DYNC2H1: variants seen among roughly 807,000 people sequenced by gnomAD.
DYNC2H1 encodes the protein cytoplasmic dynein 2 heavy chain 1.
Under a neutral mutation model 570.0 loss-of-function variants are expected in DYNC2H1, and 410 were observed. The observed-to-expected ratio is 0.72, with a 90% CI of 0.66 to 0.78. The LOEUF (loss-of-function observed/expected upper bound fraction) is 0.78, where lower values mean the gene tolerates loss of function less well. Among genes scored for constraint, DYNC2H1 ranks in the 30% least tolerant of loss-of-function variants. The pLI, the probability that DYNC2H1 is intolerant of heterozygous loss-of-function variation, is 0.00. For missense variants in DYNC2H1, 4,865 were observed against 5,046.4 expected, an observed-to-expected ratio of 0.96 and a Z score of 1.09; for synonymous variants, 1,688 against 1,677.6, an observed-to-expected ratio of 1.01 and a Z score of -0.15.
chr11:103,148,960 G>T (rs547396709), intron 20 of DYNC2H1, among the ~76,000 whole-genome samples: 4 of 152,274 alleles, frequency 2.6e-5, no homozygotes, highest in Admixed American at 2.6e-4. Context: ...AGGAGGCTGA[G>T]GCAGGAGAAT....
intron 73 of DYNC2H1, among the ~76,000 whole-genome samples, chr11:103,284,106 C>T (rs1866253929): frequency 6.6e-6 from 1 of 152,124 alleles, no homozygotes; most frequent in Admixed American, 6.5e-5. Flanking sequence ...TTCCTCATTC[C>T]CCACCATTCC....
intron 70 of DYNC2H1, among the ~76,000 whole-genome samples, chr11:103,273,489 C>T (rs1210191583): frequency 1.3e-5 from 2 of 152,236 alleles, no homozygotes; most frequent in Non-Finnish European, 1.5e-5. Context: ...GCACCCAGCC[C>T]CTTAATTTTT....
intron 85 of DYNC2H1, among the ~76,000 whole-genome samples, chr11:103,453,482 C>T (rs1421033856): frequency 1.3e-5 from 2 of 151,668 alleles, no homozygotes; most frequent in Non-Finnish European, 3.0e-5. Context: ...ATTAGTCTAC[C>T]TTTAAGCTTA....
At chr11:103,248,857 G>A (rs1864722531) in intron 65 of DYNC2H1, among the ~76,000 whole-genome samples, 1 of 151,848 alleles carries the variant, frequency 6.6e-6, no homozygotes, top group African/African-American at 2.4e-5. Flanking sequence ...CACCCCAAAT[G>A]TTCATTCCGT....
In DYNC2H1 at chr11:103,172,870, G is replaced by A. The variant is rs72989748; in HGVS notation, c.5335-212G>A. On this transcript the variant is annotated intron_variant, in intron 34 of 88. Coordinates refer to ENST00000375735, the MANE Select transcript of DYNC2H1 (RefSeq NM_001377.3). ...CTCTGCAAAGCAGTGTAGGTCTTAA[G>A]GAATTTATCATATATTGAGTAAGGA... Among the ~76,000 whole-genome samples, 7,557 of 151,252 alleles carry A rather than the reference G, an allele frequency of 0.05. 253 individuals carry two copies. The highest frequency in any genetic ancestry group is 0.072 in the Non-Finnish European group (4,844 of 67,644).
chr11:103,470,987 C>T (rs1189722725), intron 88 of DYNC2H1, among the ~76,000 whole-genome samples: 2 of 152,072 alleles, frequency 1.3e-5, no homozygotes, highest in African/African-American at 4.8e-5. Context: ...TGAGGAATCG[C>T]CACACTGACT....
chr11:103,373,958 ATTAT>A lies in DYNC2H1; in HGVS notation c.12156+15602_12156+15605del, dbSNP rs148106777. ...ATAATGAGCTCCATAGTCTTTTAAA[ATTAT>A]TTGTGACTAAAAATCTGTTCTATTT... On this transcript the variant is annotated intron_variant, in intron 83 of 88. Transcript: ENST00000375735. Among the ~76,000 whole-genome samples the A allele has an allele frequency of 9.1e-3, 1,383 of 152,308 alleles. 19 individuals carry two copies. The highest frequency in any genetic ancestry group is 0.031 in the African/African-American group (1,308 of 41,556).
chr11:103,187,289 A>T, intron 42 of DYNC2H1, 51 bp from the exon 43 acceptor site: 1 of 1,605,650 alleles, frequency 6.2e-7, no homozygotes, highest in Non-Finnish European at 8.5e-7. Context: ...TATAAAATGT[A>T]TTTTGTTGGT....
chr11:103,378,382 T>G (rs1048156640), intron 83 of DYNC2H1, among the ~76,000 whole-genome samples: 1 of 152,212 alleles, frequency 6.6e-6, no homozygotes, highest in Non-Finnish European at 1.5e-5. Flanking sequence ...TACTTTGCTC[T>G]GATTAAGAAA....
At chr11:103,371,620 G>A (rs1941149871) in intron 83 of DYNC2H1, among the ~76,000 whole-genome samples, 2 of 152,120 alleles carry the variant, frequency 1.3e-5, no homozygotes, top group Admixed American at 1.3e-4. Flanking sequence ...CTTTTCAGTG[G>A]AAGCCTTACA....
At chr11:103,183,056 T>C (rs1421617409) in intron 40 of DYNC2H1, among the ~76,000 whole-genome samples, 1 of 151,868 alleles carries the variant, frequency 6.6e-6, no homozygotes, top group Non-Finnish European at 1.5e-5. Context: ...CTACCAACTA[T>C]GTTATAATTG....
intron 85 of DYNC2H1, among the ~76,000 whole-genome samples, chr11:103,450,691 A>G (rs539883027): frequency 2.0e-5 from 3 of 152,366 alleles, no homozygotes; most frequent in Admixed American, 6.5e-5. Context: ...GAGAAGAATG[A>G]TCGCTTAAAT....
At chr11:103,173,032 T>C (rs771420268) in intron 34 of DYNC2H1, 50 bp from the exon 35 acceptor site, 1 of 1,001,794 alleles carries the variant, frequency 1.0e-6, no homozygotes, top group South Asian at 3.5e-5. Context: ...TGTTAAATAT[T>C]TTAACTTAAT....
intron 82 of DYNC2H1, among the ~76,000 whole-genome samples, chr11:103,344,159 C>T (rs1939620870): frequency 6.6e-6 from 1 of 152,118 alleles, no homozygotes; most frequent in African/African-American, 2.4e-5. Flanking sequence ...TCATTTGAAT[C>T]AACATTTACA....
At position 103,295,966 on chromosome 11, in the gene DYNC2H1, ACAG is replaced by A. The variant is rs147978554; in HGVS notation, c.11096-7126_11096-7124del. The stretch of plus-strand genomic sequence containing the variant: ...CTCTCTGGTCCTCCTGATTCCTGCA[ACAG>A]TATTGTGTTCCGCTCAGTGACAGGA... On this transcript the variant is annotated intron_variant, in intron 75 of 88. Coordinates refer to ENST00000375735, the MANE Select transcript of DYNC2H1 (RefSeq NM_001377.3). Among the ~76,000 whole-genome samples the A allele has an allele frequency of 2.7e-3, 416 of 152,190 alleles. 15 individuals carry two copies. The East Asian group carries it at 0.068, about 25-fold the overall frequency.
At chr11:103,229,661 G>A (rs1283501392) in intron 59 of DYNC2H1, among the ~76,000 whole-genome samples, 1 of 151,908 alleles carries the variant, frequency 6.6e-6, no homozygotes, top group Non-Finnish European at 1.5e-5. Flanking sequence ...TTGTCTTGGG[G>A]CTTCTCTTCA....
chr11:103,339,758 C>T (rs1397131101), intron 82 of DYNC2H1, among the ~76,000 whole-genome samples: 1 of 152,184 alleles, frequency 6.6e-6, no homozygotes, highest in African/African-American at 2.4e-5. Context: ...GTTGCTGTGG[C>T]CCAACTGCCA....
intron 84 of DYNC2H1, among the ~76,000 whole-genome samples, chr11:103,417,653 C>T (rs1186795704): frequency 9.0e-6 from 1 of 111,092 alleles, no homozygotes; most frequent in African/African-American, 3.8e-5. Context: ...TCAAGGCAGG[C>T]AGATCAGAGG....
intron 75 of DYNC2H1, among the ~76,000 whole-genome samples, chr11:103,292,525 T>C (rs1290804577): frequency 6.6e-6 from 1 of 152,228 alleles, no homozygotes; most frequent in African/African-American, 2.4e-5. Flanking sequence ...ATAATAAAGA[T>C]ATGAATGGTG....
Sources: gnomAD v4.1 joint callset for allele counts (sites outside exome capture counted in the v4.1 genomes callset) on GRCh38, gnomAD v4.1.1 for gene constraint, MANE v1.5 for transcripts, NCBI Gene and HGNC (gene_info 2026-07-23, HGNC 2026-07-21) for gene names.